The following EYS variants were observed in gnomAD, a reference collection of about 807,000 sequenced individuals.
The protein encoded by EYS is EGF-like photoreceptor maintenance factor, also known as protein eyes shut homolog.
Under a neutral mutation model 282.1 loss-of-function variants are expected in EYS, and 250 were observed. The ratio of observed to expected loss-of-function variants is 0.89; its 90% CI spans 0.80 to 0.98. The LOEUF (loss-of-function observed/expected upper bound fraction) is 0.98. Ranked by LOEUF, EYS falls within the 50% of genes least tolerant of loss-of-function variation. The probability of loss-of-function intolerance (pLI) is 0.00; values close to 1 mark genes in which losing one functional copy is unlikely to be tolerated. For synonymous variants in EYS, 1,355 were observed against 1,282.9 expected (o/e 1.06, Z -1.20); for missense variants, 4,016 against 3,709.0 (o/e 1.08, Z -2.15).
intron 28 of EYS, among the ~76,000 whole-genome samples, chr6:64,410,561 G>A (rs1038560562): frequency 6.6e-6 from 1 of 151,992 alleles, no homozygotes; most frequent in Non-Finnish European, 1.5e-5. Context: ...TTATTATCTG[G>A]TTCCAAATGC....
chr6:64,909,104 C>T (rs529625585), intron 16 of EYS, among the ~76,000 whole-genome samples: 1 of 152,236 alleles, frequency 6.6e-6, no homozygotes, highest in South Asian at 2.1e-4. Flanking sequence ...GTATGTCTCT[C>T]CCTTAAACTT....
chr6:64,444,177 A>C (rs1487699166), intron 26 of EYS, among the ~76,000 whole-genome samples: 1 of 152,074 alleles, frequency 6.6e-6, no homozygotes, highest in Non-Finnish European at 1.5e-5. Context: ...CCTCTTTCTG[A>C]CTTCTTTTTG....
intron 13 of EYS, among the ~76,000 whole-genome samples, chr6:65,037,160 C>T (rs1772795783): frequency 6.6e-6 from 1 of 151,668 alleles, no homozygotes; most frequent in Non-Finnish European, 1.5e-5. Context: ...TTCTTTGTAG[C>T]AATATGGAAG....
chr6:65,199,616 A>G (rs191839722), intron 12 of EYS, among the ~76,000 whole-genome samples: 1 of 152,268 alleles, frequency 6.6e-6, no homozygotes, highest in East Asian at 1.9e-4. Context: ...TGATATGTAC[A>G]TGAGATGAAA....
intron 28 of EYS, among the ~76,000 whole-genome samples, chr6:64,400,595 T>G (rs2150435848): frequency 6.6e-6 from 1 of 152,218 alleles, no homozygotes; most frequent in East Asian, 1.9e-4. Flanking sequence ...AATCTTGTGC[T>G]GATTGTGCTC....
intron 41 of EYS, among the ~76,000 whole-genome samples, chr6:63,760,743 C>G (rs556700653): frequency 2.0e-5 from 3 of 151,616 alleles, no homozygotes; most frequent in East Asian, 3.9e-4. Context: ...TTCATCTGCC[C>G]TCTATATAAT....
chr6:64,974,571 C>G (rs1182002337), intron 14 of EYS, among the ~76,000 whole-genome samples: 2 of 151,758 alleles, frequency 1.3e-5, no homozygotes, highest in African/African-American at 2.4e-5. Flanking sequence ...TGTTTTTCTA[C>G]AAATGTCAAA....
At chr6:65,367,625 CT>C (rs1562126596) in intron 8 of EYS, among the ~76,000 whole-genome samples, 2 of 151,418 alleles carry the variant, frequency 1.3e-5, no homozygotes, top group African/African-American at 4.8e-5. Context: ...AAAAGTTCCG[CT>C]GAAAAAAAGC....
intron 5 of EYS, among the ~76,000 whole-genome samples, chr6:65,447,936 G>C (rs1286144656): frequency 6.6e-6 from 1 of 152,068 alleles, no homozygotes; most frequent in Non-Finnish European, 1.5e-5. Context: ...GGTTAAAGAA[G>C]ATAGGATGCT....
intron 2 of EYS, among the ~76,000 whole-genome samples, chr6:65,618,636 T>C (rs1201366485): frequency 6.6e-6 from 1 of 152,232 alleles, no homozygotes; most frequent in African/African-American, 2.4e-5. Context: ...CCCATGCCTA[T>C]GTCCTGAATG....
intron 36 of EYS, among the ~76,000 whole-genome samples, chr6:63,848,580 G>A (rs1772159678): frequency 6.6e-6 from 1 of 151,878 alleles, no homozygotes; most frequent in Non-Finnish European, 1.5e-5. Context: ...AAGTGCAAGG[G>A]GCTGGGAACT....
At chr6:64,038,908 G>A in intron 33 of EYS, among the ~76,000 whole-genome samples, 1 of 151,878 alleles carries the variant, frequency 6.6e-6, no homozygotes. Context: ...AGGTTCAAGA[G>A]ATTCTTCAGC....
At chr6:65,405,771 T>C (rs1286548230) in intron 5 of EYS, among the ~76,000 whole-genome samples, 1 of 152,070 alleles carries the variant, frequency 6.6e-6, no homozygotes, top group African/African-American at 2.4e-5. Context: ...ATATCAGTAG[T>C]TGGTACTTTA....
At chr6:65,347,115 G>C (rs891850548) in intron 9 of EYS, among the ~76,000 whole-genome samples, 7 of 151,804 alleles carry the variant, frequency 4.6e-5, no homozygotes, top group African/African-American at 1.7e-4. Flanking sequence ...ATCCCACTTA[G>C]ATATTATAGT....
At chr6:64,526,188 C>G (rs143051471) in intron 26 of EYS, among the ~76,000 whole-genome samples, 106 of 151,546 alleles carry the variant, frequency 7.0e-4, no homozygotes, top group African/African-American at 2.4e-3. Context: ...AAGGAGAGAG[C>G]TAGGGGTGGG....
At chr6:64,688,486 G>A (rs547183969) in intron 22 of EYS, among the ~76,000 whole-genome samples, 206 of 152,296 alleles carry the variant, frequency 1.4e-3, no homozygotes, top group African/African-American at 4.9e-3. Flanking sequence ...TATGTACCCA[G>A]TAGTCATTCA....
chr6:64,280,839 T>A lies in EYS; in HGVS notation c.6191+26131A>T, dbSNP rs189823585. Reference sequence around the variant, plus strand: ...CTTAAGCAAGATTTCATTAAGGAGTTCTGCAGGTTTCAGATGCAGAAAAAG... The same window carrying A: ...CTTAAGCAAGATTTCATTAAGGAGTACTGCAGGTTTCAGATGCAGAAAAAG... On this transcript the variant is annotated intron_variant, in intron 30 of 42. Transcript: ENST00000503581. 2.0e-5 allele frequency among the ~76,000 whole-genome samples: 3 copies of A among 152,270 alleles called. No individual in the cohort carries two copies. In the East Asian group the frequency reaches 5.8e-4, roughly 29 times the overall value.
chr6:65,516,847 A>G (rs1380345670), intron 2 of EYS, among the ~76,000 whole-genome samples: 1 of 152,112 alleles, frequency 6.6e-6, no homozygotes, highest in African/African-American at 2.4e-5. Context: ...TTATGAGAAA[A>G]CAAATTAGAT....
chr6:65,285,279 T>C (rs544340614), intron 12 of EYS, among the ~76,000 whole-genome samples: 68 of 152,170 alleles, frequency 4.5e-4, no homozygotes, highest in Middle Eastern at 3.4e-3. Context: ...ATGAATAATT[T>C]GCATTTTTTT....
Sources: gnomAD v4.1 joint callset for allele counts (sites outside exome capture counted in the v4.1 genomes callset) on GRCh38, gnomAD v4.1.1 for gene constraint, MANE v1.5 for transcripts, NCBI Gene and HGNC (gene_info 2026-07-23, HGNC 2026-07-21) for gene names.